KCTD1: variants seen among roughly 807,000 people sequenced by gnomAD.
KCTD1 encodes the protein potassium channel tetramerization domain containing 1, also known as BTB/POZ domain-containing protein KCTD1.
Under a neutral mutation model 66.0 loss-of-function variants are expected in KCTD1, and 24 were observed. The observed-to-expected ratio is 0.36, with a 90% CI of 0.26 to 0.51. KCTD1 has a LOEUF of 0.51. Ranked by LOEUF, KCTD1 falls within the 20% of genes least tolerant of loss-of-function variation. KCTD1 has a pLI of 0.95. For missense variants in KCTD1, 943 were observed against 1,205.2 expected (o/e 0.78, Z 3.22); for synonymous variants, 511 against 517.2 (o/e 0.99, Z 0.16).
At chr18:26,583,617 T>C (rs1339045828) in intron 1 of KCTD1, among the ~76,000 whole-genome samples, 1 of 152,148 alleles carries the variant, frequency 6.6e-6, no homozygotes, top group African/African-American at 2.4e-5. Context: ...CACTTGGCCA[T>C]ATATAAGTTC....
At chr18:26,639,752 A>C (rs1024063784) in intron 1 of KCTD1, among the ~76,000 whole-genome samples, 1 of 152,198 alleles carries the variant, frequency 6.6e-6, no homozygotes, top group African/African-American at 2.4e-5. Flanking sequence ...ATGCTGATCC[A>C]CGTTTTCAGA....
At chr18:26,528,935 C>CT (rs1984303717) in intron 1 of KCTD1, among the ~76,000 whole-genome samples, 1 of 152,170 alleles carries the variant, frequency 6.6e-6, no homozygotes, top group Non-Finnish European at 1.5e-5. Context: ...TAATTTCTTT[C>CT]TAAGCAAAAC....
intron 1 of KCTD1, among the ~76,000 whole-genome samples, chr18:26,568,061 A>G (rs1345748701): frequency 6.6e-6 from 1 of 152,188 alleles, no homozygotes. Flanking sequence ...CCATTGGAAA[A>G]TTCATTTCCT....
chr18:26,538,306 A>G (rs540916078), intron 1 of KCTD1, among the ~76,000 whole-genome samples: 9 of 152,324 alleles, frequency 5.9e-5, no homozygotes, highest in Admixed American at 1.3e-4. Flanking sequence ...AAGGGTCTGC[A>G]GAACTAAGTT....
intron 1 of KCTD1, among the ~76,000 whole-genome samples, chr18:26,555,193 T>C (rs1022790236): frequency 1.3e-5 from 2 of 152,232 alleles, no homozygotes; most frequent in African/African-American, 2.4e-5. Context: ...CGATTTGCTG[T>C]TATTTCAAAT....
At chr18:26,636,515 C>G (rs1028520608) in intron 1 of KCTD1, among the ~76,000 whole-genome samples, 2 of 152,196 alleles carry the variant, frequency 1.3e-5, no homozygotes, top group African/African-American at 4.8e-5. Flanking sequence ...TGAGTCCCGA[C>G]CGAAACTCCC....
At chr18:26,529,128 C>A (rs901409996) in intron 1 of KCTD1, among the ~76,000 whole-genome samples, 3 of 152,170 alleles carry the variant, frequency 2.0e-5, no homozygotes, top group East Asian at 1.9e-4. Flanking sequence ...TCTTGTACTC[C>A]CCTGCAGTGG....
At chr18:26,502,271 G>T (rs1229114292) in intron 1 of KCTD1, among the ~76,000 whole-genome samples, 1 of 152,188 alleles carries the variant, frequency 6.6e-6, no homozygotes, top group South Asian at 2.1e-4. Flanking sequence ...GGATGGTCTT[G>T]ATCTCCTGAC....
upstream of KCTD1, among the ~76,000 whole-genome samples, chr18:26,633,822 G>T (rs1987669580): frequency 6.6e-6 from 1 of 152,140 alleles, no homozygotes; most frequent in Non-Finnish European, 1.5e-5. Context: ...TGCCTATCAG[G>T]CCTGCCAAAA....
At chr18:26,610,965 T>C (rs1215011514) in intron 1 of KCTD1, among the ~76,000 whole-genome samples, 1 of 152,216 alleles carries the variant, frequency 6.6e-6, no homozygotes, top group Non-Finnish European at 1.5e-5. Context: ...TTGGGGTTTG[T>C]TAATCTTGGA....
At position 26,548,273 on chromosome 18, in the gene KCTD1, G is replaced by T; in HGVS notation, c.264C>A (p.Asp88Glu). ...EEDGGGGLEE[D>E]EEEEEEEEMG... ...TCTCCTCCTCTTCCTCCTCCTCCTC[G>T]TCCTCCTCCAGCCCCCCACCTCCGT... The change falls in exon 1 of 5, where the codon GAC becomes GAA. Residue 88 changes from aspartate (D) to glutamate (E), a missense_variant. Asp to Glu is a conservative substitution (Grantham distance 45). Around this residue, in one of 10 missense-constraint regions of KCTD1, gnomAD observed 236 missense variants for 206.6 expected, o/e 1.14. Transcript: ENST00000580059. 1 of 1,498,812 alleles carries T rather than the reference G, an allele frequency of 6.7e-7. No homozygotes were observed. Among genetic ancestry groups the T allele is most frequent in the Non-Finnish European group, 8.9e-7 (1 of 1,126,648 alleles). 92.8% of individuals were successfully genotyped at this position (1,498,812 alleles called of 1,614,324 possible). A position where few individuals can be genotyped will look rare whatever the true frequency, so the allele number is the denominator to read the frequency against.
chr18:26,461,506 C>T (rs1331866098), intron 3 of KCTD1, among the ~76,000 whole-genome samples: 1 of 152,186 alleles, frequency 6.6e-6, no homozygotes, highest in Non-Finnish European at 1.5e-5. Flanking sequence ...CTTTAAGGAG[C>T]TGAAAACTAG....
chr18:26,641,021 C>A (rs747931496), upstream of KCTD1, among the ~76,000 whole-genome samples: 4 of 152,154 alleles, frequency 2.6e-5, no homozygotes, highest in Non-Finnish European at 4.4e-5. Flanking sequence ...TTTCTCCTCC[C>A]CAAACTCCTG....
intron 1 of KCTD1, among the ~76,000 whole-genome samples, chr18:26,536,111 T>C (rs1441497790): frequency 6.6e-6 from 1 of 152,118 alleles, no homozygotes; most frequent in Non-Finnish European, 1.5e-5. Context: ...TGTGAAAAAC[T>C]ATCTACAAGT....
Position 26,619,785 on chromosome 18 carries a change from G to C in KCTD1, c.-16+9362C>G, listed in dbSNP as rs139540422. ...TTGGACTACAAGGGGAGCCACTGCA[G>C]AGTGGAGAGATGAAGAGCTCACTTA... On this transcript the variant is annotated intron_variant, in intron 1 of 4. Transcript: ENST00000317932. Among the ~76,000 whole-genome samples the C allele has an allele frequency of 7.2e-5, 11 of 152,346 alleles. No homozygotes were observed. The East Asian group carries it at 2.1e-3, about 29-fold the overall frequency.
chr18:26,599,435 G>A (rs1178201194), intron 1 of KCTD1: 1 of 1,611,846 alleles, frequency 6.2e-7, no homozygotes, highest in African/African-American at 1.3e-5. Flanking sequence ...CTGCTGGCCA[G>A]TTTGTGGCAG....
intron 2 of KCTD1, among the ~76,000 whole-genome samples, chr18:26,498,113 T>A (rs753017080): frequency 3.3e-5 from 5 of 152,176 alleles, no homozygotes; most frequent in Non-Finnish European, 4.4e-5. Context: ...TTTGTGCCTG[T>A]TTTACACAAG....
chr18:26,656,496 A>C (rs1226642613), intron 1 of KCTD1, among the ~76,000 whole-genome samples: 2 of 151,384 alleles, frequency 1.3e-5, no homozygotes, highest in Non-Finnish European at 3.0e-5. Context: ...GGGGCTTTAA[A>C]GGCGCCTGGG....
chr18:26,581,738 A>G (rs1462833600), intron 1 of KCTD1: 1 of 152,326 alleles, frequency 6.6e-6, no homozygotes, highest in East Asian at 1.9e-4. Context: ...CTCTAGATAA[A>G]TAAATACATA....
Sources: gnomAD v4.1 joint callset for allele counts (sites outside exome capture counted in the v4.1 genomes callset) on GRCh38, gnomAD v4.1.1 for gene constraint, gnomAD v4.1.1 regional missense constraint, MANE v1.5 for transcripts, NCBI Gene and HGNC (gene_info 2026-07-23, HGNC 2026-07-21) for gene names.